The following C4BPA variants were observed in gnomAD, a reference collection of about 807,000 sequenced individuals.
C4BPA encodes C4b-binding protein alpha chain.
Under a neutral mutation model 63.7 loss-of-function variants are expected in C4BPA, and 31 were observed. That is an observed-to-expected ratio of 0.49 (90% confidence interval 0.37 to 0.66). The LOEUF is 0.66. Ranked by LOEUF, C4BPA falls within the 30% of genes least tolerant of loss-of-function variation. The probability of loss-of-function intolerance (pLI) is 0.00; values close to 1 mark genes in which losing one functional copy is unlikely to be tolerated. For synonymous variants in C4BPA, 259 were observed against 254.7 expected (o/e 1.02, Z -0.16); for missense variants, 572 against 723.3 (o/e 0.79, Z 2.40).
In C4BPA at chr1:207,112,993, T is replaced by C. The variant is rs1356311785; in HGVS notation, c.-25-8T>C. The C allele has an allele frequency of 6.4e-7, 1 of 1,552,866 alleles. No homozygotes were observed. The highest frequency in any genetic ancestry group is 2.3e-5 in the Admixed American group (1 of 44,292). ...ATGACTATTTATTAAATTGAGTTCT[T>C]TCAGCAGAAAAACATCAGCGAAGCA... On this transcript the variant is annotated splice_polypyrimidine_tract_variant and splice_region_variant and intron_variant, in intron 1 of 11. Coordinates refer to ENST00000367070, the MANE Select transcript of C4BPA (RefSeq NM_000715.4).
intron 7 of C4BPA, 27 bp downstream of exon 7, chr1:207,126,922 A>G (rs1685056798): frequency 1.3e-6 from 2 of 1,580,264 alleles, no homozygotes; most frequent in Admixed American, 1.7e-5. Flanking sequence ...ACAGAATTTC[A>G]ATGTTTGGCA....
chr1:207,127,433 T>C (rs544297436), intron 7 of C4BPA: 1 of 152,310 alleles, frequency 6.6e-6, no homozygotes, highest in African/African-American at 2.4e-5. Context: ...AAGGATTAAC[T>C]CAACAAATCC....
chr1:207,141,531 T>A (rs553172132), intron 10 of C4BPA, among the ~76,000 whole-genome samples: 2 of 152,240 alleles, frequency 1.3e-5, no homozygotes, highest in Admixed American at 6.5e-5. Flanking sequence ...TTCTTGTATA[T>A]TTCCAGAAAT....
intron 1 of C4BPA, among the ~76,000 whole-genome samples, chr1:207,110,616 C>G (rs1268625000): frequency 6.6e-6 from 1 of 152,074 alleles, no homozygotes; most frequent in Non-Finnish European, 1.5e-5. Flanking sequence ...ATAGTAAGAT[C>G]ACATCTCTAT....
intron 8 of C4BPA, among the ~76,000 whole-genome samples, chr1:207,133,589 C>T (rs1685211320): frequency 6.6e-6 from 1 of 151,952 alleles, no homozygotes; most frequent in Admixed American, 6.6e-5. Context: ...ATAGTGAGAC[C>T]CCTTGTCTAC....
At position 207,106,424 on chromosome 1, in the gene C4BPA, T is replaced by C. The variant is rs75556684; in HGVS notation, c.-26+1994T>C. Among the ~76,000 whole-genome samples the C allele has an allele frequency of 3.9e-3, 588 of 151,620 alleles. 6 individuals are homozygous for C. The highest frequency in any genetic ancestry group is 0.014 in the African/African-American group (567 of 41,144). On this transcript the variant is annotated intron_variant, in intron 1 of 11. Transcript: ENST00000367070. ...ATTTATTATTGTTTATTCTGTCTTA[T>C]TCCTTCCTCCGTGTAAGTTTTTTTT...
At chr1:207,116,672 T>C (rs186275036) in intron 4 of C4BPA, among the ~76,000 whole-genome samples, 70 of 152,200 alleles carry the variant, frequency 4.6e-4, no homozygotes, top group Admixed American at 1.3e-3. Flanking sequence ...GGATTTTATG[T>C]CCTAAGGCCT....
chr1:207,120,858 G>A (rs192527090), intron 4 of C4BPA, among the ~76,000 whole-genome samples: 194 of 152,294 alleles, frequency 1.3e-3, no homozygotes, highest in Non-Finnish European at 2.2e-3. Context: ...ACACAGGCTG[G>A]AGTGCAGTGG....
intron 4 of C4BPA, among the ~76,000 whole-genome samples, chr1:207,116,882 A>G (rs1301719033): frequency 6.6e-6 from 1 of 152,116 alleles, no homozygotes. Flanking sequence ...GCCTTTACTG[A>G]TTTAAGATGC....
Position 207,143,831 on chromosome 1 carries a change from A to G in C4BPA, c.1458A>G (p.Lys486=), listed in dbSNP as rs1376012955. 1 of 1,612,744 alleles carries G rather than the reference A, an allele frequency of 6.2e-7. No individual in the cohort carries two copies. Among genetic ancestry groups the G allele is most frequent in the Admixed American group, 1.7e-5 (1 of 59,988 alleles). The change falls in exon 11 of 12, where the codon AAA becomes AAG. Residue 486 remains lysine (K), a synonymous_variant. Coordinates refer to ENST00000367070, the MANE Select transcript of C4BPA (RefSeq NM_000715.4). ...PAPQCKALCR[K]PELVNGRLSV... is the part of the protein sequence containing the mutation. Reference sequence around the variant, plus strand: ...TTTCCATTACAGCTCTGTGTCGGAAACCAGAATTAGTGAATGGAAGGTTGT... The same window carrying G: ...TTTCCATTACAGCTCTGTGTCGGAAGCCAGAATTAGTGAATGGAAGGTTGT...
chr1:207,126,254 G>A (rs2842708), intron 6 of C4BPA, among the ~76,000 whole-genome samples: 38,477 of 146,916 alleles, frequency 0.26, 5,160 homozygotes, highest in African/African-American at 0.3. Flanking sequence ...ATACATATGT[G>A]TATATATAAA....
At chr1:207,129,827 G>C (rs2102347610) in intron 7 of C4BPA, among the ~76,000 whole-genome samples, 1 of 152,102 alleles carries the variant, frequency 6.6e-6, no homozygotes, top group Admixed American at 6.5e-5. Flanking sequence ...GAAGAAAGGA[G>C]GGCAAGTATA....
Position 207,143,866 on chromosome 1 carries a change from A to C in C4BPA, c.1493A>C (p.Lys498Thr). 1 of 1,613,670 alleles carries C rather than the reference A, an allele frequency of 6.2e-7. No individual in the cohort carries two copies. The highest frequency in any genetic ancestry group is 1.3e-5 in the African/African-American group (1 of 75,026). Residue 498 changes from lysine to threonine, a missense_variant, in exon 11 of 12, where the codon AAG becomes ACG. By Grantham distance (78) the Lys-to-Thr change is moderately conservative. Coordinates refer to ENST00000367070, the MANE Select transcript of C4BPA (RefSeq NM_000715.4). ...ELVNGRLSVD[K>T]DQYVEPENVT... is the part of the protein sequence containing the mutation. ...GTGAATGGAAGGTTGTCTGTGGATA[A>C]GGATCAGTATGTTGAGCCTGAAAAT... is the stretch of plus-strand genomic sequence containing the variant.
chr1:207,125,260 C>T (rs1685013671), intron 6 of C4BPA, among the ~76,000 whole-genome samples: 1 of 152,176 alleles, frequency 6.6e-6, no homozygotes, highest in Admixed American at 6.5e-5. Flanking sequence ...TATGAAGGGC[C>T]TTGTGTTTCA....
intron 4 of C4BPA, among the ~76,000 whole-genome samples, chr1:207,116,135 G>T (rs917725446): frequency 6.6e-6 from 1 of 152,152 alleles, no homozygotes; most frequent in African/African-American, 2.4e-5. Context: ...TCATGGTTTT[G>T]CAGAGTATGT....
chr1:207,135,551 C>G (rs1265195972), intron 9 of C4BPA, among the ~76,000 whole-genome samples: 2 of 152,110 alleles, frequency 1.3e-5, no homozygotes, highest in Admixed American at 1.3e-4. Flanking sequence ...ACCTGCAGGT[C>G]CCAGAGCTTC....
chr1:207,112,970 G>A, intron 1 of C4BPA, 31 bp from the exon 2 acceptor site: 1 of 1,523,372 alleles, frequency 6.6e-7, no homozygotes. Context: ...GGAATTCAAT[G>A]ACTATTTATT....
rs1685481375 is a variant in C4BPA at position 207,144,133 on chromosome 1, C to T, written c.1620+140C>T. ...TGAGCCACTCCCACTCAAAGAAACT[C>T]TTTTTGTCTTGAAGCATTCTGGTAA... is the stretch of plus-strand genomic sequence containing the variant. On this transcript the variant is annotated intron_variant, in intron 11 of 11. Coordinates refer to ENST00000367070, the MANE Select transcript of C4BPA (RefSeq NM_000715.4). 1.1e-5 allele frequency: 7 copies of T among 633,172 alleles called. No individual in the cohort carries two copies. The South Asian group carries it at 1.9e-4, about 17-fold the overall frequency. The allele number at this position is 633,172 out of a possible 1,614,324, so 39.2% of individuals were successfully genotyped here.
At chr1:207,120,591 C>T (rs189160474) in intron 4 of C4BPA, among the ~76,000 whole-genome samples, 1 of 151,882 alleles carries the variant, frequency 6.6e-6, no homozygotes, top group Non-Finnish European at 1.5e-5. Flanking sequence ...ATAGCGAAAC[C>T]CATCTCTAAA....
Sources: gnomAD v4.1 joint callset for allele counts (sites outside exome capture counted in the v4.1 genomes callset) on GRCh38, gnomAD v4.1.1 for gene constraint, MANE v1.5 for transcripts, NCBI Gene and HGNC (gene_info 2026-07-23, HGNC 2026-07-21) for gene names.